EEPD1: variants seen among roughly 807,000 people sequenced by gnomAD.
The protein encoded by EEPD1 is endonuclease/exonuclease/phosphatase family domain containing 1.
EEPD1 carries 17 observed loss-of-function variants against 46.3 expected under a neutral mutation model. That is an observed-to-expected ratio of 0.37 (90% confidence interval 0.25 to 0.55). The LOEUF is 0.55. Among genes scored for constraint, EEPD1 ranks in the 20% least tolerant of loss-of-function variants. The pLI is 0.83. For synonymous variants in EEPD1, 313 were observed against 315.6 expected (o/e 0.99, Z 0.09); for missense variants, 673 against 745.6 (o/e 0.90, Z 1.13).
At chr7:36,295,120 G>A (rs1442679731) in intron 6 of EEPD1, among the ~76,000 whole-genome samples, 3 of 151,292 alleles carry the variant, frequency 2.0e-5, no homozygotes, top group Admixed American at 2.0e-4. Flanking sequence ...AGAGGTTGCA[G>A]TGAGCCGAGA....
intron 3 of EEPD1, among the ~76,000 whole-genome samples, chr7:36,276,410 T>C (rs1434018136): frequency 1.3e-5 from 2 of 152,184 alleles, no homozygotes; most frequent in Non-Finnish European, 2.9e-5. Flanking sequence ...TAACTGATTC[T>C]GGGAAACTGG....
chr7:36,246,847 TG>T (rs544236662), intron 3 of EEPD1, among the ~76,000 whole-genome samples: 92 of 152,186 alleles, frequency 6.0e-4, no homozygotes, highest in Non-Finnish European at 1.2e-3. Context: ...GAACTTGGGC[TG>T]GGCGCAGTGT....
intron 2 of EEPD1, among the ~76,000 whole-genome samples, chr7:36,215,361 T>G (rs1786011536): frequency 6.6e-6 from 1 of 152,220 alleles, no homozygotes; most frequent in South Asian, 2.1e-4. Flanking sequence ...CTGCTGCTTT[T>G]AAGGGGCCCA....
intron 2 of EEPD1, among the ~76,000 whole-genome samples, chr7:36,170,183 A>G (rs1291865504): frequency 6.6e-6 from 1 of 152,172 alleles, no homozygotes; most frequent in Non-Finnish European, 1.5e-5. Flanking sequence ...GGCAGACCTG[A>G]AGATCACCTG....
chr7:36,199,865 C>T (rs1011470607), intron 2 of EEPD1, among the ~76,000 whole-genome samples: 1 of 152,154 alleles, frequency 6.6e-6, no homozygotes, highest in East Asian at 1.9e-4. Flanking sequence ...TATGGACTGT[C>T]GTGAGCTCCC....
intron 3 of EEPD1, among the ~76,000 whole-genome samples, chr7:36,246,525 C>A (rs893807380): frequency 6.6e-6 from 1 of 152,194 alleles, no homozygotes; most frequent in Non-Finnish European, 1.5e-5. Flanking sequence ...CTGCTGTGGT[C>A]GTCATCATCA....
intron 2 of EEPD1, among the ~76,000 whole-genome samples, chr7:36,233,530 C>T (rs895458305): frequency 1.3e-5 from 2 of 152,220 alleles, no homozygotes; most frequent in African/African-American, 4.8e-5. Flanking sequence ...ATGTCTCAGC[C>T]CCCAGCCTCA....
intron 2 of EEPD1, among the ~76,000 whole-genome samples, chr7:36,159,985 A>G (rs1562668473): frequency 6.6e-6 from 1 of 152,216 alleles, no homozygotes; most frequent in Admixed American, 6.5e-5. Flanking sequence ...GGAACTTCCA[A>G]TGTAGGCAGA....
At chr7:36,234,134 G>A (rs1439105514) in intron 2 of EEPD1, among the ~76,000 whole-genome samples, 1 of 152,084 alleles carries the variant, frequency 6.6e-6, no homozygotes, top group African/African-American at 2.4e-5. Flanking sequence ...GGCCAGGCTG[G>A]TCTCGAAGTC....
chr7:36,287,957 T>G (rs1271897206), intron 6 of EEPD1, among the ~76,000 whole-genome samples, 180 bp downstream of exon 6: 1 of 152,208 alleles, frequency 6.6e-6, no homozygotes, highest in African/African-American at 2.4e-5. Context: ...CGGCCACATC[T>G]GTGCCTCTGT....
chr7:36,236,896 A>C (rs1786455997), intron 2 of EEPD1, among the ~76,000 whole-genome samples: 1 of 152,236 alleles, frequency 6.6e-6, no homozygotes, highest in Non-Finnish European at 1.5e-5. Context: ...AGATAAGGGA[A>C]TAAAAGCAGG....
At chr7:36,195,704 A>G (rs1785568986) in intron 2 of EEPD1, among the ~76,000 whole-genome samples, 1 of 152,222 alleles carries the variant, frequency 6.6e-6, no homozygotes, top group African/African-American at 2.4e-5. Flanking sequence ...GCTGTAGAGA[A>G]TAACAATGTA....
At chr7:36,191,222 T>C (rs1050256738) in intron 2 of EEPD1, among the ~76,000 whole-genome samples, 2 of 152,210 alleles carry the variant, frequency 1.3e-5, no homozygotes, top group African/African-American at 4.8e-5. Flanking sequence ...GTCCTGAAAT[T>C]GAGCATGTGC....
At chr7:36,297,754 A>T (rs1787550034) in intron 7 of EEPD1, among the ~76,000 whole-genome samples, 1 of 152,218 alleles carries the variant, frequency 6.6e-6, no homozygotes, top group African/African-American at 2.4e-5. Flanking sequence ...AGAAATGCTC[A>T]GTGCTCTGCA....
intron 3 of EEPD1, among the ~76,000 whole-genome samples, chr7:36,268,211 G>A (rs1213583430): frequency 1.3e-5 from 2 of 152,120 alleles, no homozygotes; most frequent in African/African-American, 4.8e-5. Context: ...GAGTGCAGTG[G>A]TGTGATCTCG....
chr7:36,274,767 G>T (rs1787159744), intron 3 of EEPD1, among the ~76,000 whole-genome samples: 1 of 152,160 alleles, frequency 6.6e-6, no homozygotes, highest in Admixed American at 6.5e-5. Context: ...CTCACCCACA[G>T]ATATCCTCAG....
chr7:36,236,289 AAG>A (rs1033733520), intron 2 of EEPD1, among the ~76,000 whole-genome samples: 7 of 152,182 alleles, frequency 4.6e-5, no homozygotes, highest in African/African-American at 1.7e-4. Context: ...GGGAAGTGTG[AAG>A]AGAGAGGCGC....
At chr7:36,248,399 G>T (rs571776605) in intron 3 of EEPD1, among the ~76,000 whole-genome samples, 1 of 151,220 alleles carries the variant, frequency 6.6e-6, no homozygotes, top group Non-Finnish European at 1.5e-5. Context: ...TAGAGAGTTG[G>T]TTTCACTGCA....
intron 3 of EEPD1, among the ~76,000 whole-genome samples, chr7:36,245,248 A>C (rs1298265917): frequency 2.0e-5 from 3 of 152,074 alleles, no homozygotes; most frequent in Admixed American, 2.0e-4. Flanking sequence ...GCGCCTGGCC[A>C]CAGAGTTGAT....
Sources: allele counts gnomAD v4.1 joint callset (sites outside exome capture counted in the v4.1 genomes callset), GRCh38; gene constraint gnomAD v4.1.1; transcripts MANE v1.5; gene names NCBI Gene and HGNC (gene_info 2026-07-23, HGNC 2026-07-21).